The following BMP7 variants were observed in gnomAD, a reference collection of about 807,000 sequenced individuals.
BMP7 encodes the protein osteogenic protein 1.
In BMP7, 12 loss-of-function variants were observed where a neutral mutation model predicts 41.2. That is an observed-to-expected ratio of 0.29 (90% CI 0.19 to 0.47). The LOEUF (loss-of-function observed/expected upper bound fraction) is 0.47. Among genes scored for constraint, BMP7 ranks in the 20% least tolerant of loss-of-function variants. The pLI is 0.99. For missense variants in BMP7, 467 were observed against 606.0 expected, an observed-to-expected ratio of 0.77 and a Z score of 2.41; for synonymous variants, 248 against 250.0, an observed-to-expected ratio of 0.99 and a Z score of 0.07.
rs531180482 is a variant in BMP7, at chr20:57,208,296, A to C, written c.612-5673T>G. ...GGCTAATTTGAACAGACATTTTCCT[A>C]AAGAAGATGCACAAATGGCCAGTGA... On this transcript the variant is annotated intron_variant, in intron 2 of 6. Transcript: ENST00000395863. 2.2e-4 allele frequency among the ~76,000 whole-genome samples: 33 copies of C among 152,356 alleles called. No homozygotes were observed. The South Asian group carries it at 6.8e-3, about 32-fold the overall frequency.
In BMP7 at chr20:57,228,487, C is replaced by T. The variant is rs113246408; in HGVS notation, c.419-66G>A. On this transcript the variant is annotated intron_variant, in intron 1 of 6. Transcript: ENST00000395863. This position sits in a 1 kb window ranked among gnomAD's most constrained non-coding sequence, Gnocchi z 4.5. ...TTAGTGTCTGGGTTTCACTCTCTGG[C>T]TCTGAGTCCAAGCATCTTGCCTAAG... The T allele has an allele frequency of 9.8e-3, 15,389 of 1,576,076 alleles. 89 individuals carry two copies. Among genetic ancestry groups the T allele is most frequent in the Non-Finnish European group, 0.012 (13,189 of 1,145,738 alleles).
chr20:57,265,373 G>C (rs924675386), intron 1 of BMP7, among the ~76,000 whole-genome samples: 1 of 152,264 alleles, frequency 6.6e-6, no homozygotes, highest in Admixed American at 6.5e-5. Context: ...GAGCCGCGCC[G>C]GCCCGGGACA....
chr20:57,191,654 C>T (rs1212816352), intron 3 of BMP7, among the ~76,000 whole-genome samples: 2 of 150,796 alleles, frequency 1.3e-5, no homozygotes, highest in Admixed American at 6.7e-5. Flanking sequence ...CGCTTGAACC[C>T]GGGAGACAGA....
chr20:57,265,738 C>A lies in BMP7; in HGVS notation c.385G>T (p.Asp129Tyr), dbSNP rs767991677. The A allele has an allele frequency of 6.2e-7, 1 of 1,609,736 alleles. No homozygotes were observed. The highest frequency in any genetic ancestry group is 8.5e-7 in the Non-Finnish European group (1 of 1,178,136). Residue 129 changes from aspartate to tyrosine, a missense_variant, in exon 1 of 7, where the codon GAC (aspartate) becomes TAC (tyrosine). Coordinates refer to ENST00000395863, the MANE Select transcript of BMP7 (RefSeq NM_001719.3). ...ACGAAGCTCATGACCATGTCGGCGT[C>A]GGTGAGGAAATGGCTATCTTGCAGG... ...ASLQDSHFLT[D>Y]ADMVMSFVNL...
intron 2 of BMP7, among the ~76,000 whole-genome samples, chr20:57,217,160 C>T (rs1985051230): frequency 6.6e-6 from 1 of 152,134 alleles, no homozygotes. Context: ...ATCCCACTTG[C>T]AAACCTGACT....
rs920523520 is a variant in BMP7, at chr20:57,169,417, G to T, written c.*1542C>A. The stretch of plus-strand genomic sequence containing the variant: ...CTATTTATGGGACTCACCAGCCAAG[G>T]CAAGGCAGGCTTACACCAAGAGCCA... On this transcript the variant is annotated 3_prime_UTR_variant, in exon 7 of 7. Transcript: ENST00000395863. 5.3e-5 allele frequency: 8 copies of T among 152,240 alleles called. No homozygotes were observed. Among genetic ancestry groups the T allele is most frequent in the Admixed American group, 4.6e-4 (7 of 15,290 alleles). 9.4% of individuals were successfully genotyped at this position (152,240 alleles called of 1,614,324 possible).
At chr20:57,246,084 A>T (rs969659267) in intron 1 of BMP7, among the ~76,000 whole-genome samples, 2 of 152,194 alleles carry the variant, frequency 1.3e-5, no homozygotes, top group African/African-American at 4.8e-5. Context: ...CTGCTTCTTG[A>T]TCTACACACT....
At position 57,183,827 on chromosome 20, in the gene BMP7, C is replaced by A; in HGVS notation, c.853G>T (p.Glu285Ter). 1 of 1,614,178 alleles carries A rather than the reference C, an allele frequency of 6.2e-7. No homozygotes were observed. Among genetic ancestry groups the A allele is most frequent in the Non-Finnish European group, 8.5e-7 (1 of 1,180,032 alleles). ...PFMVAFFKAT[E>*]VHFRSIRSTG... ...GACCGGATGCTGCGGAAGTGGACCT[C>A]CGTGGCCTTGAAGAAAGCCACCATG... The change falls in exon 4 of 7, where the codon GAG (glutamate) becomes TAG (stop). Residue 285 changes from glutamate (E) to a stop codon, truncating the protein, a stop_gained. Coordinates refer to ENST00000395863, the MANE Select transcript of BMP7 (RefSeq NM_001719.3). LOFTEE classifies it high-confidence loss of function.
At chr20:57,236,884 G>A (rs540662027) in intron 1 of BMP7, among the ~76,000 whole-genome samples, 279 of 152,232 alleles carry the variant, frequency 1.8e-3, no homozygotes, top group Non-Finnish European at 2.9e-3. Flanking sequence ...TCCTGAAGAC[G>A]TTCTCCCAGC....
At chr20:57,243,160 C>T (rs1028979465) in intron 1 of BMP7, among the ~76,000 whole-genome samples, 2 of 151,990 alleles carry the variant, frequency 1.3e-5, no homozygotes, top group Non-Finnish European at 2.9e-5. Flanking sequence ...TGAGGGTCCC[C>T]GACTATGTTC....
chr20:57,196,779 G>A (rs547651386), intron 3 of BMP7, among the ~76,000 whole-genome samples: 84 of 152,284 alleles, frequency 5.5e-4, no homozygotes, highest in African/African-American at 1.9e-3. Context: ...CTAGAGGATC[G>A]CTTGAGCCTG....
chr20:57,264,608 G>T (rs1268576529), intron 1 of BMP7, among the ~76,000 whole-genome samples: 1 of 152,150 alleles, frequency 6.6e-6, no homozygotes, highest in Non-Finnish European at 1.5e-5. Flanking sequence ...ACCCCCAGCC[G>T]CCCCCGCGGC....
At chr20:57,179,640 T>C (rs748723468) in intron 4 of BMP7, among the ~76,000 whole-genome samples, 1 of 152,214 alleles carries the variant, frequency 6.6e-6, no homozygotes, top group Non-Finnish European at 1.5e-5. Flanking sequence ...CTTGTGTGGC[T>C]CCACGGCAGG....
intron 6 of BMP7, among the ~76,000 whole-genome samples, chr20:57,172,161 G>A (rs1983828932): frequency 6.6e-6 from 1 of 152,164 alleles, no homozygotes; most frequent in East Asian, 1.9e-4. Flanking sequence ...TGGCAGCCGG[G>A]GAGACATGCC....
intron 1 of BMP7, among the ~76,000 whole-genome samples, chr20:57,249,023 G>T (rs1343337497): frequency 6.6e-6 from 1 of 151,890 alleles, no homozygotes; most frequent in African/African-American, 2.4e-5. Context: ...GCATGGTCTT[G>T]ATCTCCTGAT....
intron 2 of BMP7, among the ~76,000 whole-genome samples, chr20:57,212,224 G>A (rs1282424253): frequency 6.6e-6 from 1 of 152,246 alleles, no homozygotes; most frequent in African/African-American, 2.4e-5. Flanking sequence ...AACATCTCCC[G>A]AAGGGGGTCA....
chr20:57,249,374 T>C (rs563991374), intron 1 of BMP7, among the ~76,000 whole-genome samples: 1 of 152,232 alleles, frequency 6.6e-6, no homozygotes, highest in South Asian at 2.1e-4. Context: ...AGCAGTGATC[T>C]GCTGCAACAC....
intron 1 of BMP7, among the ~76,000 whole-genome samples, chr20:57,242,238 T>C (rs1456818451): frequency 6.6e-6 from 1 of 152,226 alleles, no homozygotes; most frequent in Non-Finnish European, 1.5e-5. Context: ...GCTCCTGGCA[T>C]GTACTGGGTA....
intron 3 of BMP7, among the ~76,000 whole-genome samples, chr20:57,197,117 G>T (rs905800139): frequency 2.0e-5 from 3 of 151,926 alleles, no homozygotes; most frequent in Non-Finnish European, 2.9e-5. Context: ...GCCCAGGCTG[G>T]TCTCAAACTC....
Sources: gnomAD v4.1 joint callset for allele counts (sites outside exome capture counted in the v4.1 genomes callset) on GRCh38, gnomAD v4.1.1 for gene constraint, Gnocchi (gnomAD v3.1) non-coding constraint, MANE v1.5 for transcripts, NCBI Gene and HGNC (gene_info 2026-07-23, HGNC 2026-07-21) for gene names.